FER: variants seen among roughly 807,000 people sequenced by gnomAD.
FER encodes the protein tyrosine-protein kinase Fer.
A neutral mutation model predicts 111.0 loss-of-function variants in FER; 63 were observed. That is an observed-to-expected ratio of 0.57 (90% CI 0.46 to 0.70). The LOEUF is 0.70. Among genes scored for constraint, FER ranks in the 30% least tolerant of loss-of-function variants. FER has a pLI of 0.00. For synonymous variants in FER, 327 were observed against 313.9 expected, an observed-to-expected ratio of 1.04 and a Z score of -0.44; for missense variants, 914 against 954.0, an observed-to-expected ratio of 0.96 and a Z score of 0.55.
chr5:108,792,833 A>G (rs905232898), intron 2 of FER, among the ~76,000 whole-genome samples: 1 of 151,826 alleles, frequency 6.6e-6, no homozygotes, highest in African/African-American at 2.4e-5. Context: ...TTTATTTTGT[A>G]TATTGACCTT....
rs1272204541 is a variant in FER, at chr5:108,867,787, A to C, written c.502A>C (p.Lys168Gln). The part of the protein sequence containing the change: ...LAKGKETEKA[K>Q]ERYDKATMKL... ...TTCAGGGAAGGAAACTGAAAAGGCC[A>C]AGGAACGATACGACAAAGCCACAAT... is the stretch of plus-strand genomic sequence containing the variant. Residue 168 changes from lysine (K) to glutamine (Q), a missense_variant, in exon 6 of 20, where the codon AAG becomes CAG. Physicochemically the swap from Lys to Gln is moderately conservative, Grantham distance 53. Coordinates refer to ENST00000281092, the MANE Select transcript of FER (RefSeq NM_005246.4). 6.2e-7 allele frequency: 1 copy of C among 1,611,528 alleles called. No individual in the cohort carries two copies. The highest frequency in any genetic ancestry group is 8.5e-7 in the Non-Finnish European group (1 of 1,179,028).
chr5:109,015,638 G>C (rs1164741333), intron 13 of FER, among the ~76,000 whole-genome samples: 4 of 152,002 alleles, frequency 2.6e-5, no homozygotes, highest in Non-Finnish European at 5.9e-5. Context: ...GGAAGCACTA[G>C]AGCAGGATCA....
chr5:109,123,366 C>T (rs562896036), intron 17 of FER, among the ~76,000 whole-genome samples: 100 of 151,976 alleles, frequency 6.6e-4, no homozygotes, highest in African/African-American at 1.9e-3. Context: ...CCGTGTTAGC[C>T]GGGATGGTCT....
intron 16 of FER, among the ~76,000 whole-genome samples, chr5:109,087,088 G>C (rs1212992818): frequency 6.6e-6 from 1 of 150,594 alleles, no homozygotes; most frequent in African/African-American, 2.4e-5. Context: ...GGTACTGAGG[G>C]TTAGGACTTA....
At chr5:108,836,585 A>G (rs1760684335) in intron 5 of FER, among the ~76,000 whole-genome samples, 1 of 151,930 alleles carries the variant, frequency 6.6e-6, no homozygotes, top group African/African-American at 2.4e-5. Context: ...TAGAATCTCT[A>G]TTTTATTTTG....
At chr5:109,023,645 T>C (rs1025561882) in intron 13 of FER, among the ~76,000 whole-genome samples, 2 of 150,032 alleles carry the variant, frequency 1.3e-5, no homozygotes, top group East Asian at 1.9e-4. Flanking sequence ...TGTTTGTGTT[T>C]TGGGGTTTTT....
At position 108,827,849 on chromosome 5, in the gene FER, G is replaced by A. The variant is rs867063744; in HGVS notation, c.208-4921G>A. ...TTTTTTTTTTTTTTTTTTCCCCCAA[G>A]ACAGGCTCTTGCTCTGTCACCCAGG... On this transcript the variant is annotated intron_variant, in intron 3 of 19. Coordinates refer to ENST00000281092, the MANE Select transcript of FER (RefSeq NM_005246.4). Among the ~76,000 whole-genome samples the A allele has an allele frequency of 2.3e-4, 23 of 101,668 alleles. No individual in the cohort carries two copies. The South Asian group carries it at 3.1e-3, about 14-fold the overall frequency. 66.7% of individuals were successfully genotyped at this position (101,668 alleles called of 152,430 possible). A position where few individuals can be genotyped will look rare whatever the true frequency, so the allele number is the denominator to read the frequency against.
chr5:108,931,234 G>A (rs899022970), intron 10 of FER, among the ~76,000 whole-genome samples: 3 of 152,102 alleles, frequency 2.0e-5, no homozygotes, highest in African/African-American at 7.2e-5. Flanking sequence ...TTTCAACAGA[G>A]ACTTCAAATG....
rs778019773 is a variant in FER, at chr5:108,835,815, A to G, written c.481+8A>G. The stretch of plus-strand genomic sequence containing the variant: ...AAGAAGCTTTAGCTAAAGGTAAGGC[A>G]AAATTTTAAAAATTGTTTACTTAGG... On this transcript the variant is annotated splice_region_variant and intron_variant, in intron 5 of 19. Coordinates refer to ENST00000281092, the MANE Select transcript of FER (RefSeq NM_005246.4). 8.8e-6 allele frequency: 13 copies of G among 1,469,292 alleles called. No homozygotes were observed. The highest frequency in any genetic ancestry group is 7.6e-5 in the South Asian group (6 of 78,712). The allele number at this position is 1,469,292 out of a possible 1,614,324, so 91.0% of individuals were successfully genotyped here.
intron 17 of FER, among the ~76,000 whole-genome samples, chr5:109,168,749 T>C (rs1258941298): frequency 6.6e-6 from 1 of 152,214 alleles, no homozygotes. Context: ...TCTTAGTTCT[T>C]ACATAAGTAA....
intron 2 of FER, among the ~76,000 whole-genome samples, chr5:108,781,048 G>C (rs375134259): frequency 4.3e-4 from 65 of 152,112 alleles, no homozygotes; most frequent in African/African-American, 1.5e-3. Context: ...TTGCCCATCT[G>C]TTCTTATATG....
intron 10 of FER, among the ~76,000 whole-genome samples, chr5:108,937,808 G>T (rs1561646782): frequency 6.6e-6 from 1 of 151,738 alleles, no homozygotes. Flanking sequence ...GTAGTTATGG[G>T]GTGACAGCCA....
intron 16 of FER, among the ~76,000 whole-genome samples, chr5:109,096,066 TTAA>T (rs1747471672): frequency 6.6e-6 from 1 of 151,998 alleles, no homozygotes; most frequent in Non-Finnish European, 1.5e-5. Context: ...AAATTATAAA[TTAA>T]TATTCTTGTT....
chr5:108,771,016 A>G (rs1752841476), intron 2 of FER, among the ~76,000 whole-genome samples: 1 of 150,044 alleles, frequency 6.7e-6, no homozygotes, highest in Admixed American at 6.6e-5. Flanking sequence ...GGCTCACTGC[A>G]ACCTCTGCCT....
intron 15 of FER, among the ~76,000 whole-genome samples, chr5:109,045,273 A>G (rs1008102425): frequency 1.4e-5 from 2 of 144,926 alleles, no homozygotes; most frequent in Non-Finnish European, 3.0e-5. Flanking sequence ...TTAAGTATAT[A>G]CATTTAAGTA....
rs774701482 is a variant in FER at position 108,867,959 on chromosome 5, C to T, written c.665+9C>T. 8 of 1,589,764 alleles carry T rather than the reference C, an allele frequency of 5.0e-6. No homozygotes were observed. The South Asian group carries it at 8.0e-5, about 16-fold the overall frequency. On this transcript the variant is annotated intron_variant, in intron 6 of 19. Transcript: ENST00000281092. Reference sequence around the variant, plus strand: ...GAAATGATAAAAGCACTGTAAGATACATTTTCTTTTTATCATAAAATCCCT... The same window carrying T: ...GAAATGATAAAAGCACTGTAAGATATATTTTCTTTTTATCATAAAATCCCT...
intron 13 of FER, among the ~76,000 whole-genome samples, chr5:109,036,197 G>A (rs1215151035): frequency 1.3e-5 from 2 of 151,654 alleles, no homozygotes; most frequent in Non-Finnish European, 2.9e-5. Flanking sequence ...GTGTTTTTTT[G>A]TGCTTCTCTA....
At chr5:109,066,295 C>T (rs937415091) in intron 16 of FER, among the ~76,000 whole-genome samples, 3 of 152,186 alleles carry the variant, frequency 2.0e-5, no homozygotes, top group Middle Eastern at 3.4e-3. Context: ...TAGTTAACAC[C>T]TATCATGATT....
At chr5:108,982,797 T>C (rs140267494) in intron 13 of FER, among the ~76,000 whole-genome samples, 1 of 152,224 alleles carries the variant, frequency 6.6e-6, no homozygotes, top group Non-Finnish European at 1.5e-5. Flanking sequence ...TTATCAGATA[T>C]TCCCTACACA....
Sources: allele counts gnomAD v4.1 joint callset (sites outside exome capture counted in the v4.1 genomes callset), GRCh38; gene constraint gnomAD v4.1.1; transcripts MANE v1.5; gene names NCBI Gene and HGNC (gene_info 2026-07-23, HGNC 2026-07-21).